Variants in ERAP1 observed in about 807,000 individuals in gnomAD.
The protein encoded by ERAP1 is adipocyte-derived leucine aminopeptidase.
ERAP1 carries 86 observed loss-of-function variants against 103.7 expected under a neutral mutation model. That is an observed-to-expected ratio of 0.83 (90% CI 0.70 to 0.99). The LOEUF (loss-of-function observed/expected upper bound fraction) is 0.99, where lower values mean the gene tolerates loss of function less well. Ranked by LOEUF, ERAP1 falls within the 50% of genes least tolerant of loss-of-function variation. ERAP1 has a pLI of 0.00. For synonymous variants in ERAP1, 398 were observed against 402.4 expected (o/e 0.99, Z 0.13); for missense variants, 1,009 against 1,128.4 (o/e 0.89, Z 1.52).
the ERAP1 span, among the ~76,000 whole-genome samples, chr5:96,875,637 T>A: frequency 6.6e-6 from 1 of 152,008 alleles, no homozygotes; most frequent in East Asian, 1.9e-4. Flanking sequence ...CAATCCTAGA[T>A]AATGGAAGAA....
At chr5:96,915,710 A>G in the ERAP1 span, 1 of 1,593,558 alleles carries the variant, frequency 6.3e-7, no homozygotes, top group Admixed American at 1.8e-5. Context: ...CTCATATGAC[A>G]TAAGGATGAT....
intron 15 of ERAP1, 81 bp from the exon 16 acceptor site, chr5:96,781,935 G>A (rs1350807325): frequency 2.3e-5 from 29 of 1,273,938 alleles, no homozygotes; most frequent in East Asian, 2.3e-5. Flanking sequence ...ACTATGAACT[G>A]CTGAACTTTC....
chr5:96,769,304 CTTTATT>C (rs924486094), intron 19 of ERAP1: 3 of 151,808 alleles, frequency 2.0e-5, no homozygotes, highest in African/African-American at 4.8e-5. Flanking sequence ...GGTGAATGGA[CTTTATT>C]TTTATACGTA....
chr5:96,771,388 T>A (rs983031180), downstream of ERAP1, among the ~76,000 whole-genome samples: 1 of 152,108 alleles, frequency 6.6e-6, no homozygotes, highest in Non-Finnish European at 1.5e-5. Flanking sequence ...GCATATTTTA[T>A]AACCTACCCT....
At chr5:96,774,354 C>CTTTT (rs146372536), downstream of ERAP1, 64 of 280,208 alleles carry the variant, frequency 2.3e-4, no homozygotes, top group Non-Finnish European at 3.4e-4. Context: ...AATATGCCTT[C>CTTTT]TTTTTTAATT....
intron 1 of ERAP1, chr5:96,804,345 A>C (rs1462704841): frequency 1.9e-5 from 6 of 316,638 alleles, no homozygotes; most frequent in South Asian, 1.7e-4. Context: ...AAGCAAAACC[A>C]GAACCATATC....
chr5:96,887,894 G>A, the ERAP1 span, among the ~76,000 whole-genome samples: 2 of 152,170 alleles, frequency 1.3e-5, no homozygotes, highest in African/African-American at 4.8e-5. Flanking sequence ...GGGAGGCGGA[G>A]GCTGGCAGAT....
intron 19 of ERAP1, chr5:96,769,032 G>A (rs1771134149): frequency 6.6e-6 from 1 of 152,218 alleles, no homozygotes; most frequent in Admixed American, 6.5e-5. Context: ...AGAAACAACT[G>A]TGTAATTCAA....
chr5:96,932,875 A>G, the ERAP1 span, among the ~76,000 whole-genome samples: 1 of 152,208 alleles, frequency 6.6e-6, no homozygotes, highest in Non-Finnish European at 1.5e-5. Flanking sequence ...AATGGTAGAG[A>G]GCAATGATTC....
chr5:96,906,230 CTCCTCT>C, the ERAP1 span, among the ~76,000 whole-genome samples: 4 of 151,776 alleles, frequency 2.6e-5, no homozygotes, highest in East Asian at 1.9e-4. Flanking sequence ...CCTTCTCCTC[CTCCTCT>C]TCCTCTTCCT....
At chr5:96,787,477 G>A (rs1263967606) in intron 11 of ERAP1, among the ~76,000 whole-genome samples, 1 of 152,092 alleles carries the variant, frequency 6.6e-6, no homozygotes, top group Non-Finnish European at 1.5e-5. Context: ...TGTTGGCCAG[G>A]CTGGTCTCGA....
chr5:96,807,769 A>C (rs1396904435), intron 1 of ERAP1, 91 bp downstream of exon 1: 17 of 912,580 alleles, frequency 1.9e-5, no homozygotes, highest in Non-Finnish European at 2.2e-5. Context: ...CCAGGCCCTC[A>C]GCCCCCCACT....
rs771151888 is a variant in ERAP1 at position 96,766,126 on chromosome 5, T to C, written c.2819-2898A>G. 1.2e-5 allele frequency: 19 copies of C among 1,604,866 alleles called. No individual in the cohort carries two copies. In the African/African-American group the frequency reaches 1.9e-4, roughly 16 times the overall value. ...ACTATCCCACCTGAATACAGACATC[T>C]CCTGGATGATAATGGACAGGTAAAC... On this transcript the variant is annotated intron_variant, in intron 19 of 19. Transcript: ENST00000296754.
the ERAP1 span, among the ~76,000 whole-genome samples, chr5:96,847,889 ATGT>A: frequency 6.6e-6 from 1 of 152,210 alleles, no homozygotes; most frequent in Non-Finnish European, 1.5e-5. Context: ...AAACAATCTG[ATGT>A]TGTACCTCAG....
At chr5:96,762,955 GC>G in exon 20 of ERAP1, 2 of 566,614 alleles carry the variant, frequency 3.5e-6, no homozygotes, top group Non-Finnish European at 6.3e-6. Context: ...TGGGACCAAA[GC>G]TTTTCCAGAC....
rs973544352 is a variant in ERAP1 at position 96,787,796 on chromosome 5, A to G, written c.1679+735T>C. 1.0e-3 allele frequency among the ~76,000 whole-genome samples: 132 copies of G among 129,448 alleles called. 1 individual carries two copies. Among genetic ancestry groups the G allele is most frequent in the Admixed American group, 2.6e-3 (31 of 11,810 alleles). The allele number at this position is 129,448 out of a possible 152,430, so 84.9% of individuals were successfully genotyped here. On this transcript the variant is annotated intron_variant, in intron 11 of 18. Transcript: ENST00000443439. ...GGAGGTGTATATATTATATATATAT[A>G]TGTGTGTGTATATATATACACATAT...
chr5:96,834,785 A>T, the ERAP1 span, among the ~76,000 whole-genome samples: 1 of 152,224 alleles, frequency 6.6e-6, no homozygotes, highest in African/African-American at 2.4e-5. Flanking sequence ...GTTATTACTA[A>T]ATCATAATTG....
chr5:96,825,426 C>T, the ERAP1 span, among the ~76,000 whole-genome samples: 1 of 152,106 alleles, frequency 6.6e-6, no homozygotes, highest in Non-Finnish European at 1.5e-5. Context: ...AGCAAATGTT[C>T]TATGTGAATC....
At chr5:96,806,939 C>T (rs1254904179) in intron 1 of ERAP1, among the ~76,000 whole-genome samples, 2 of 149,464 alleles carry the variant, frequency 1.3e-5, no homozygotes, top group Non-Finnish European at 3.0e-5. Flanking sequence ...AGGCAAGAGA[C>T]AACTGTGCCC....
Sources: allele counts gnomAD v4.1 joint callset (sites outside exome capture counted in the v4.1 genomes callset), GRCh38; gene constraint gnomAD v4.1.1; transcripts MANE v1.5; gene names NCBI Gene and HGNC (gene_info 2026-07-23, HGNC 2026-07-21).